CADM2: variants seen among roughly 807,000 people sequenced by gnomAD.
The protein encoded by CADM2 is cell adhesion molecule 2.
A neutral mutation model predicts 49.8 loss-of-function variants in CADM2; 12 were observed. That is an observed-to-expected ratio of 0.24 (90% CI 0.15 to 0.39). The LOEUF is 0.39. Ranked by LOEUF, CADM2 falls within the 10% of genes least tolerant of loss-of-function variation. CADM2 has a pLI of 1.00. For synonymous variants in CADM2, 214 were observed against 175.4 expected (o/e 1.22, Z -1.74); for missense variants, 378 against 492.3 (o/e 0.77, Z 2.20).
chr3:85,792,663 T>G (rs2071405020), intron 2 of CADM2, among the ~76,000 whole-genome samples: 2 of 152,226 alleles, frequency 1.3e-5, no homozygotes, highest in South Asian at 4.1e-4. Flanking sequence ...TGGCCACATT[T>G]AATCTTTAGC....
At chr3:85,671,565 T>G (rs4298053) in intron 1 of CADM2, among the ~76,000 whole-genome samples, 120,063 of 152,000 alleles carry the variant, frequency 0.79, 48,268 homozygotes, top group African/African-American at 0.95. Context: ...TCTTTCCAAT[T>G]CATCGCAGTA....
intron 1 of CADM2, among the ~76,000 whole-genome samples, chr3:85,024,007 T>C (rs2034617624): frequency 6.6e-6 from 1 of 152,080 alleles, no homozygotes; most frequent in Admixed American, 6.5e-5. Context: ...AACTTATCTT[T>C]CTTAGATATT....
intron 1 of CADM2, among the ~76,000 whole-genome samples, chr3:85,083,609 G>C (rs2037257774): frequency 6.6e-6 from 1 of 152,072 alleles, no homozygotes; most frequent in Admixed American, 6.6e-5. Flanking sequence ...CTCTACTCTA[G>C]AATACCCTAT....
In CADM2 at chr3:85,172,956, C is replaced by CAT. The variant is rs1214760687; in HGVS notation, c.61+213299_61+213300dup. 3.4e-3 allele frequency among the ~76,000 whole-genome samples: 485 copies of CAT among 143,748 alleles called. 2 individuals carry two copies. Among genetic ancestry groups the CAT allele is most frequent in the African/African-American group, 8.5e-3 (337 of 39,424 alleles). The allele number at this position is 143,748 out of a possible 152,430, so 94.3% of individuals were successfully genotyped here. On this transcript the variant is annotated intron_variant, in intron 1 of 9. Transcript: ENST00000383699. ...TATATTATATAATATAATACATAAACATATATATATATGTTTCCCAATTTC... is the reference window on the plus strand; with the variant it reads ...TATATTATATAATATAATACATAAACATATATATATATATGTTTCCCAATTTC...
chr3:85,665,480 AGTTAATTTT>A (rs2065537784), intron 1 of CADM2, among the ~76,000 whole-genome samples: 1 of 151,984 alleles, frequency 6.6e-6, no homozygotes, highest in African/African-American at 2.4e-5. Context: ...TTTTAGTAAC[AGTTAATTTT>A]GTTTTGAATT....
intron 1 of CADM2, among the ~76,000 whole-genome samples, chr3:85,357,189 A>G (rs965599048): frequency 6.6e-6 from 1 of 152,170 alleles, no homozygotes; most frequent in African/African-American, 2.4e-5. Flanking sequence ...AACTTTGGAA[A>G]TGGCTTGTCA....
intron 1 of CADM2, among the ~76,000 whole-genome samples, chr3:85,424,452 A>G (rs1269908599): frequency 6.6e-6 from 1 of 152,096 alleles, no homozygotes; most frequent in Non-Finnish European, 1.5e-5. Context: ...ATTTATACAT[A>G]AAACTACTAT....
intron 2 of CADM2, among the ~76,000 whole-genome samples, chr3:85,795,644 T>C (rs1200353702): frequency 6.6e-6 from 1 of 152,206 alleles, no homozygotes; most frequent in Non-Finnish European, 1.5e-5. Context: ...AGTTTCTTTC[T>C]TCTATGGTCC....
chr3:85,463,447 G>C (rs1259522535), intron 1 of CADM2, among the ~76,000 whole-genome samples: 5 of 152,092 alleles, frequency 3.3e-5, no homozygotes, highest in Admixed American at 6.6e-5. Context: ...GGTGATTCTT[G>C]ATCAGGAATT....
At chr3:85,238,382 C>T (rs532640247) in intron 1 of CADM2, among the ~76,000 whole-genome samples, 6 of 151,872 alleles carry the variant, frequency 4.0e-5, no homozygotes, top group South Asian at 4.1e-4. Context: ...ATTCTGTTTA[C>T]GGGAAGGAAA....
intron 1 of CADM2, among the ~76,000 whole-genome samples, chr3:85,336,405 G>T (rs892783714): frequency 2.6e-5 from 4 of 151,466 alleles, no homozygotes; most frequent in Admixed American, 6.6e-5. Flanking sequence ...AAGAATAAGA[G>T]AAGTTATTTG....
At chr3:85,980,894 C>T (rs1263333032) in intron 8 of CADM2, among the ~76,000 whole-genome samples, 1 of 151,332 alleles carries the variant, frequency 6.6e-6, no homozygotes, top group Non-Finnish European at 1.5e-5. Context: ...ATCTAATATT[C>T]AATTATGCCT....
chr3:85,106,348 A>C (rs1463615914), intron 1 of CADM2, among the ~76,000 whole-genome samples: 1 of 152,120 alleles, frequency 6.6e-6, no homozygotes, highest in Non-Finnish European at 1.5e-5. Context: ...GTAGCACAAA[A>C]GGCAAATAGC....
chr3:85,411,003 G>A (rs1178578539), intron 1 of CADM2, among the ~76,000 whole-genome samples: 1 of 152,130 alleles, frequency 6.6e-6, no homozygotes, highest in Non-Finnish European at 1.5e-5. Context: ...AGGATGCAAA[G>A]GTGTCATTTT....
intron 3 of CADM2, among the ~76,000 whole-genome samples, chr3:85,806,188 G>GAGGAAGGA (rs550860076): frequency 1.4e-5 from 2 of 145,388 alleles, no homozygotes; most frequent in Non-Finnish European, 3.0e-5. Context: ...GGGAGGGAGG[G>GAGGAAGGA]AGGAAGGAAG....
chr3:85,629,479 A>C (rs1308905718), intron 1 of CADM2, among the ~76,000 whole-genome samples: 1 of 151,938 alleles, frequency 6.6e-6, no homozygotes, highest in Non-Finnish European at 1.5e-5. Context: ...ATGAATTGAT[A>C]GAAATTGTTA....
chr3:85,686,068 A>G (rs185649001), intron 1 of CADM2, among the ~76,000 whole-genome samples: 351 of 152,340 alleles, frequency 2.3e-3, no homozygotes, highest in African/African-American at 6.5e-3. Flanking sequence ...TGTTCTATCC[A>G]TGTTAACACA....
intron 1 of CADM2, among the ~76,000 whole-genome samples, chr3:85,125,377 T>G (rs1473085457): frequency 1.3e-5 from 2 of 151,004 alleles, no homozygotes; most frequent in Non-Finnish European, 3.0e-5. Flanking sequence ...AGATTTTTGT[T>G]TTTTTTTTTG....
intron 1 of CADM2, among the ~76,000 whole-genome samples, chr3:85,075,619 T>A (rs923023376): frequency 1.2e-4 from 18 of 152,214 alleles, no homozygotes; most frequent in Non-Finnish European, 2.5e-4. Flanking sequence ...ATTGTTGTTT[T>A]ACTATCTCCC....
Sources: allele counts gnomAD v4.1 joint callset (sites outside exome capture counted in the v4.1 genomes callset), GRCh38; gene constraint gnomAD v4.1.1; transcripts MANE v1.5; gene names NCBI Gene and HGNC (gene_info 2026-07-23, HGNC 2026-07-21).